PLCL1: variants seen among roughly 807,000 people sequenced by gnomAD.
The protein encoded by PLCL1 is phospholipase C like 1 (inactive).
In PLCL1, 41 loss-of-function variants were observed where a neutral mutation model predicts 84.4. The observed-to-expected ratio is 0.49, with a 90% CI of 0.38 to 0.63. The LOEUF is 0.63. Among genes scored for constraint, PLCL1 ranks in the 30% least tolerant of loss-of-function variants. PLCL1 has a pLI of 0.00. For missense variants in PLCL1, 1,206 were observed against 1,367.8 expected, an observed-to-expected ratio of 0.88 and a Z score of 1.87; for synonymous variants, 490 against 488.3, an observed-to-expected ratio of 1.00 and a Z score of -0.05.
chr2:198,097,483 C>A (rs965833644), intron 3 of PLCL1, among the ~76,000 whole-genome samples: 1 of 152,068 alleles, frequency 6.6e-6, no homozygotes, highest in Non-Finnish European at 1.5e-5. Flanking sequence ...GTCAAATTGG[C>A]CTGAAAATTC....
chr2:198,140,601 ATCTTTCAAATT>A (rs1694363326), intron 5 of PLCL1, among the ~76,000 whole-genome samples: 1 of 152,156 alleles, frequency 6.6e-6, no homozygotes, highest in Non-Finnish European at 1.5e-5. Context: ...GTAAAAGAAG[ATCTTTCAAATT>A]TCTTTCAAAT....
chr2:197,909,657 C>T (rs1209289666), intron 1 of PLCL1, among the ~76,000 whole-genome samples: 1 of 152,100 alleles, frequency 6.6e-6, no homozygotes, highest in Non-Finnish European at 1.5e-5. Context: ...CCTCAGAGTT[C>T]CCTCTCTGAG....
intron 1 of PLCL1, among the ~76,000 whole-genome samples, chr2:197,862,421 T>C (rs548563579): frequency 6.6e-6 from 1 of 152,298 alleles, no homozygotes; most frequent in South Asian, 2.1e-4. Flanking sequence ...AGTTTATTTC[T>C]AGTGAAATCA....
chr2:197,819,086 T>C (rs1267795288), intron 1 of PLCL1, among the ~76,000 whole-genome samples: 1 of 152,038 alleles, frequency 6.6e-6, no homozygotes, highest in East Asian at 1.9e-4. Context: ...AGAGAACCAG[T>C]GGTCAGTTCA....
intron 1 of PLCL1, among the ~76,000 whole-genome samples, chr2:197,874,578 C>A (rs1009399791): frequency 1.3e-5 from 2 of 151,910 alleles, no homozygotes; most frequent in African/African-American, 4.8e-5. Flanking sequence ...TAAAAGTAAG[C>A]AAATAAACAC....
In PLCL1 at chr2:197,849,948, T is replaced by G. The variant is rs925441091; in HGVS notation, c.240+44609T>G. 1.5e-4 allele frequency among the ~76,000 whole-genome samples: 23 copies of G among 152,016 alleles called. 1 individual carries two copies. Among genetic ancestry groups the G allele is most frequent in the African/African-American group, 5.6e-4 (23 of 41,386 alleles). ...GTACCACTGACTGTTGAAGCATGTA[T>G]CTGAAATTTCCTTTTAACACAAGTT... is the stretch of plus-strand genomic sequence containing the variant. On this transcript the variant is annotated intron_variant, in intron 1 of 5. Coordinates refer to ENST00000428675, the MANE Select transcript of PLCL1 (RefSeq NM_006226.4).
intron 1 of PLCL1, among the ~76,000 whole-genome samples, chr2:197,901,558 A>G (rs146936763): frequency 2.0e-5 from 3 of 152,336 alleles, no homozygotes; most frequent in African/African-American, 4.8e-5. Context: ...GGCAACAGCA[A>G]TGTTCCAGAA....
chr2:197,884,489 G>T (rs1687883980), intron 1 of PLCL1, among the ~76,000 whole-genome samples: 1 of 152,134 alleles, frequency 6.6e-6, no homozygotes, highest in Non-Finnish European at 1.5e-5. Context: ...CTTTTAGCTG[G>T]AATAAAAATG....
intron 1 of PLCL1, among the ~76,000 whole-genome samples, chr2:198,063,547 T>G (rs1321323380): frequency 6.6e-6 from 1 of 152,192 alleles, no homozygotes; most frequent in Non-Finnish European, 1.5e-5. Flanking sequence ...TCATTACTGT[T>G]GAGATTCTGA....
chr2:198,040,430 T>C (rs930871669), intron 1 of PLCL1, among the ~76,000 whole-genome samples: 1 of 152,102 alleles, frequency 6.6e-6, no homozygotes, highest in African/African-American at 2.4e-5. Flanking sequence ...TTTGAAAAGC[T>C]TTTCCCCAAG....
At chr2:198,039,813 G>A (rs868678072) in intron 1 of PLCL1, among the ~76,000 whole-genome samples, 17 of 152,182 alleles carry the variant, frequency 1.1e-4, no homozygotes, top group African/African-American at 1.7e-4. Context: ...AACTAGAGAT[G>A]TTAAGCTAGA....
chr2:197,953,855 T>TG (rs1689435105), intron 1 of PLCL1, among the ~76,000 whole-genome samples: 1 of 151,976 alleles, frequency 6.6e-6, no homozygotes, highest in African/African-American at 2.4e-5. Context: ...TCCAGAGTTT[T>TG]TTTTTTTTCT....
In PLCL1 at chr2:198,050,263, T is replaced by C. The variant is rs1384538526; in HGVS notation, c.241-33495T>C. ...TTTCATGGCTGTTTGTAGACAGTGG[T>C]AGGTGAGATTGGAAGAAATAAGAGA... On this transcript the variant is annotated intron_variant, in intron 1 of 5. Transcript: ENST00000428675. 2.0e-5 allele frequency among the ~76,000 whole-genome samples: 3 copies of C among 152,058 alleles called. No homozygotes were observed. In the East Asian group the frequency reaches 5.8e-4, roughly 29 times the overall value.
rs549363690 is a variant in PLCL1 at position 197,987,356 on chromosome 2, C to T, written c.241-96402C>T. Among the ~76,000 whole-genome samples the T allele has an allele frequency of 7.9e-4, 121 of 152,322 alleles. No homozygotes were observed. The South Asian group carries it at 8.5e-3, about 11-fold the overall frequency. On this transcript the variant is annotated intron_variant, in intron 1 of 5. Coordinates refer to ENST00000428675, the MANE Select transcript of PLCL1 (RefSeq NM_006226.4). The stretch of plus-strand genomic sequence containing the variant: ...ACTTCTTTAGAAAAGTCAGATCTGG[C>T]CACACTGTGCCCACATTCATGCATG...
chr2:198,096,665 T>G (rs1946645), intron 3 of PLCL1, among the ~76,000 whole-genome samples: 50,249 of 152,032 alleles, frequency 0.33, 8,680 homozygotes, highest in Non-Finnish European at 0.39. Flanking sequence ...AAGAACAATT[T>G]TTTTTAAATT....
chr2:197,935,123 T>A (rs1689024688), intron 1 of PLCL1, among the ~76,000 whole-genome samples: 1 of 151,952 alleles, frequency 6.6e-6, no homozygotes, highest in African/African-American at 2.4e-5. Flanking sequence ...TATGAAAAAG[T>A]AAAGAAATAA....
chr2:198,006,344 G>T (rs1005363171), intron 1 of PLCL1, among the ~76,000 whole-genome samples: 1 of 152,012 alleles, frequency 6.6e-6, no homozygotes, highest in Non-Finnish European at 1.5e-5. Context: ...ATTAATTTTT[G>T]GTACAATAGG....
intron 5 of PLCL1, among the ~76,000 whole-genome samples, chr2:198,111,511 A>G (rs944185864): frequency 1.2e-4 from 19 of 152,078 alleles, no homozygotes; most frequent in African/African-American, 4.1e-4. Flanking sequence ...CTAAATGAGT[A>G]AATATATATA....
chr2:197,977,984 T>C (rs532339981), intron 1 of PLCL1, among the ~76,000 whole-genome samples: 2 of 152,364 alleles, frequency 1.3e-5, no homozygotes, highest in Admixed American at 6.5e-5. Context: ...GTGGCACTTC[T>C]TTTAAAAGCT....
Sources: allele counts gnomAD v4.1 joint callset (sites outside exome capture counted in the v4.1 genomes callset), GRCh38; gene constraint gnomAD v4.1.1; transcripts MANE v1.5; gene names NCBI Gene and HGNC (gene_info 2026-07-23, HGNC 2026-07-21).